Variants in ITPR1 observed in about 807,000 individuals in gnomAD.
The protein encoded by ITPR1 is inositol 1,4,5-trisphosphate-gated calcium channel ITPR1.
In ITPR1, 96 loss-of-function variants were observed where a neutral mutation model predicts 318.4. The ratio of observed to expected loss-of-function variants is 0.30; its 90% CI spans 0.26 to 0.36. ITPR1 has a LOEUF of 0.36. Among genes scored for constraint, ITPR1 ranks in the 10% least tolerant of loss-of-function variants. The probability of loss-of-function intolerance (pLI) is 1.00; values close to 1 mark genes in which losing one functional copy is unlikely to be tolerated. For synonymous variants in ITPR1, 1,312 were observed against 1,289.9 expected (o/e 1.02, Z -0.37); for missense variants, 2,440 against 3,460.2 (o/e 0.71, Z 7.40).
chr3:4,751,821 C>A (rs1339502912), intron 44 of ITPR1, among the ~76,000 whole-genome samples: 1 of 152,168 alleles, frequency 6.6e-6, no homozygotes, highest in Non-Finnish European at 1.5e-5. Flanking sequence ...CAGCTAGATT[C>A]CTGATGCAGG....
At chr3:4,628,580 A>T (rs185792212) in intron 5 of ITPR1, among the ~76,000 whole-genome samples, 14 of 152,302 alleles carry the variant, frequency 9.2e-5, no homozygotes, top group Admixed American at 4.6e-4. Context: ...CAGTGTACTA[A>T]CATCGAAATT....
intron 2 of ITPR1, among the ~76,000 whole-genome samples, chr3:4,505,089 G>T (rs304032): frequency 6.6e-6 from 1 of 151,914 alleles, no homozygotes; most frequent in South Asian, 2.1e-4. Flanking sequence ...CCTTATCCTC[G>T]GTTCTGAGGG....
intron 37 of ITPR1, 42 bp downstream of exon 37, chr3:4,706,393 C>G (rs2094757726): frequency 1.1e-5 from 17 of 1,534,060 alleles, no homozygotes; most frequent in Non-Finnish European, 1.5e-5. Flanking sequence ...AGCCTGGCCT[C>G]ACGTGATTGC....
chr3:4,673,048 C>A, intron 20 of ITPR1, 88 bp from the exon 21 acceptor site: 1 of 1,415,144 alleles, frequency 7.1e-7, no homozygotes, highest in South Asian at 1.4e-5. Context: ...ATGTCACTCC[C>A]ATGACAGTCA....
intron 4 of ITPR1, among the ~76,000 whole-genome samples, chr3:4,585,842 C>G (rs1485163597): frequency 6.6e-6 from 1 of 151,990 alleles, no homozygotes; most frequent in Non-Finnish European, 1.5e-5. Context: ...CATAGGTATT[C>G]ACGTGCCATG....
intron 44 of ITPR1, chr3:4,751,612 C>G (rs961449990): frequency 6.6e-6 from 1 of 152,222 alleles, no homozygotes; most frequent in Non-Finnish European, 1.5e-5. Flanking sequence ...ATAGCAGTAG[C>G]CTGTTTGAAT....
intron 40 of ITPR1, among the ~76,000 whole-genome samples, chr3:4,720,822 G>C (rs1471042239): frequency 6.6e-6 from 1 of 152,096 alleles, no homozygotes; most frequent in Non-Finnish European, 1.5e-5. Flanking sequence ...GAAACAAAGA[G>C]TGATTAAATT....
At chr3:4,807,121 GAGGGGGGCTTACAAAGAGA>G (rs1229242845) in intron 55 of ITPR1, among the ~76,000 whole-genome samples, 3 of 2,846 alleles carry the variant, frequency 1.1e-3, no homozygotes, top group South Asian at 0.018. Flanking sequence ...CTTACAAAGA[GAGGGGGGCTTACAAAGAGA>G]GGGGGGACTT....
chr3:4,602,681 A>G (rs2091387450), intron 4 of ITPR1, among the ~76,000 whole-genome samples: 1 of 152,188 alleles, frequency 6.6e-6, no homozygotes, highest in South Asian at 2.1e-4. Flanking sequence ...TCAGTCATAA[A>G]AAGGAATGAA....
Position 4,777,254 on chromosome 3 carries a change from C to T in ITPR1, c.6181-10C>T. 6.5e-7 allele frequency: 1 copy of T among 1,548,822 alleles called. No homozygotes were observed. Among genetic ancestry groups the T allele is most frequent in the African/African-American group, 1.4e-5 (1 of 73,704 alleles). ...CGTTTGTGTGAATGTCTGTGTGTGTCTTTGCTCAGAACTGCATAGCCACCC... is the reference window on the plus strand; with the variant it reads ...CGTTTGTGTGAATGTCTGTGTGTGTTTTTGCTCAGAACTGCATAGCCACCC... On this transcript the variant is annotated splice_polypyrimidine_tract_variant and intron_variant, in intron 47 of 61. Coordinates refer to ENST00000649015, the MANE Select transcript of ITPR1 (RefSeq NM_001378452.1).
intron 18 of ITPR1, among the ~76,000 whole-genome samples, chr3:4,669,433 C>G (rs1671753025): frequency 6.6e-6 from 1 of 152,162 alleles, no homozygotes; most frequent in South Asian, 2.1e-4. Context: ...TCACCTCTTC[C>G]TTGACCACAG....
chr3:4,553,020 A>G (rs1174355469), intron 4 of ITPR1, among the ~76,000 whole-genome samples: 1 of 152,200 alleles, frequency 6.6e-6, no homozygotes, highest in Non-Finnish European at 1.5e-5. Flanking sequence ...CCCCAACACA[A>G]AGTGAAACAT....
chr3:4,762,046 C>T (rs1054400594), intron 44 of ITPR1, among the ~76,000 whole-genome samples: 1 of 137,176 alleles, frequency 7.3e-6, no homozygotes, highest in African/African-American at 2.5e-5. Context: ...GGGCACGCCC[C>T]TTCTAAGAAG....
chr3:4,694,742 T>C (rs1025725061), intron 33 of ITPR1, among the ~76,000 whole-genome samples: 1 of 152,240 alleles, frequency 6.6e-6, no homozygotes, highest in Non-Finnish European at 1.5e-5. Flanking sequence ...TATAATCTTA[T>C]GGGTCACTGT....
chr3:4,629,040 G>A (rs2092930059), intron 5 of ITPR1, among the ~76,000 whole-genome samples: 1 of 144,976 alleles, frequency 6.9e-6, no homozygotes. Flanking sequence ...ACCTCAGGGA[G>A]CTTACAGTCC....
intron 39 of ITPR1, among the ~76,000 whole-genome samples, chr3:4,713,585 T>A (rs1281884497): frequency 6.6e-6 from 1 of 152,162 alleles, no homozygotes; most frequent in Non-Finnish European, 1.5e-5. Flanking sequence ...TAGTGCCAAC[T>A]GGGAGAGCAT....
chr3:4,555,871 G>C (rs1575518768), intron 4 of ITPR1, among the ~76,000 whole-genome samples: 1 of 152,116 alleles, frequency 6.6e-6, no homozygotes, highest in Admixed American at 6.5e-5. Context: ...CTGTCTTATA[G>C]ATGAAGAAAC....
chr3:4,626,116 C>T (rs1430368679), intron 4 of ITPR1, among the ~76,000 whole-genome samples: 1 of 151,906 alleles, frequency 6.6e-6, no homozygotes. Context: ...CCATTGCACT[C>T]CAGCCTGGGC....
intron 44 of ITPR1, among the ~76,000 whole-genome samples, chr3:4,755,294 G>A (rs772586488): frequency 4.0e-5 from 6 of 151,806 alleles, no homozygotes; most frequent in Non-Finnish European, 8.8e-5. Flanking sequence ...ACCAGATAGG[G>A]CAGAGCTTTC....
Sources: allele counts gnomAD v4.1 joint callset (sites outside exome capture counted in the v4.1 genomes callset), GRCh38; gene constraint gnomAD v4.1.1; transcripts MANE v1.5; gene names NCBI Gene and HGNC (gene_info 2026-07-23, HGNC 2026-07-21).